The following MLLT3 variants were observed in gnomAD, a reference collection of about 807,000 sequenced individuals.
MLLT3 encodes MLLT3 super elongation complex subunit.
A neutral mutation model predicts 53.2 loss-of-function variants in MLLT3; 4 were observed. The ratio of observed to expected loss-of-function variants is 0.08; its 90% CI spans 0.04 to 0.17. MLLT3 has a LOEUF of 0.17. Ranked by LOEUF, MLLT3 falls within the 10% of genes least tolerant of loss-of-function variation. The pLI, the probability that MLLT3 is intolerant of heterozygous loss-of-function variation, is 1.00. For synonymous variants in MLLT3, 283 were observed against 230.6 expected (o/e 1.23, Z -2.06); for missense variants, 569 against 684.0 (o/e 0.83, Z 1.87).
rs537719429 is a variant in MLLT3, at chr9:20,474,478, T to C, written c.194-17692A>G. Among the ~76,000 whole-genome samples, 24 of 152,200 alleles carry C rather than the reference T, an allele frequency of 1.6e-4. 2 individuals carry two copies. In the South Asian group the frequency reaches 5.0e-3, roughly 32 times the overall value. On this transcript the variant is annotated intron_variant, in intron 2 of 10. Transcript: ENST00000380338. ...TAATATAAATGGACCTACCCTATCTTGTCATTCTGTTCCTATACACGAGTC... is the reference window on the plus strand; with the variant it reads ...TAATATAAATGGACCTACCCTATCTCGTCATTCTGTTCCTATACACGAGTC...
chr9:20,487,719 G>T (rs539877280), intron 2 of MLLT3, among the ~76,000 whole-genome samples: 1 of 152,236 alleles, frequency 6.6e-6, no homozygotes, highest in South Asian at 2.1e-4. Context: ...TGTGGTATGT[G>T]AGACATATTT....
chr9:20,548,295 C>A (rs765671523), intron 2 of MLLT3, among the ~76,000 whole-genome samples: 15 of 152,334 alleles, frequency 9.8e-5, no homozygotes, highest in South Asian at 4.1e-4. Flanking sequence ...CATCAGTTGG[C>A]TCTATCTTCT....
chr9:20,467,160 C>G (rs1050938266), intron 2 of MLLT3, among the ~76,000 whole-genome samples: 26 of 149,144 alleles, frequency 1.7e-4, no homozygotes, highest in Admixed American at 4.6e-4. Flanking sequence ...TTTTTTTTTT[C>G]AATTGAGACA....
intron 2 of MLLT3, among the ~76,000 whole-genome samples, chr9:20,619,023 A>G (rs559063119): frequency 6.6e-6 from 1 of 152,198 alleles, no homozygotes; most frequent in South Asian, 2.1e-4. Flanking sequence ...GATCTTAGAA[A>G]GTGGTTTCTT....
chr9:20,585,096 G>A (rs1819916666), intron 2 of MLLT3, among the ~76,000 whole-genome samples: 1 of 152,050 alleles, frequency 6.6e-6, no homozygotes, highest in Admixed American at 6.5e-5. Context: ...CCATAAACTT[G>A]GTGGCTTAGT....
At position 20,346,392 on chromosome 9, in the gene MLLT3, A is replaced by AC; in HGVS notation, c.*50_*51insG. On this transcript the variant is annotated 3_prime_UTR_variant, in exon 11 of 11. Transcript: ENST00000380338. ...AAAAATCACAACCAAAAAAAAAAAA[A>AC]ACCAAAAAAAAAAAACACAATAGTT... The AC allele has an allele frequency of 6.8e-7, 1 of 1,468,168 alleles. No individual in the cohort carries two copies. Among genetic ancestry groups the AC allele is most frequent in the South Asian group, 1.5e-5 (1 of 68,472 alleles). The allele number at this position is 1,468,168 out of a possible 1,614,324, so 90.9% of individuals were successfully genotyped here.
At chr9:20,505,534 T>C (rs1479489803) in intron 2 of MLLT3, among the ~76,000 whole-genome samples, 21 of 152,054 alleles carry the variant, frequency 1.4e-4, no homozygotes. Flanking sequence ...ACAGCAAAAA[T>C]AACAAGTGGG....
Position 20,622,366 on chromosome 9 carries a change from A to G in MLLT3, c.-110T>C, listed in dbSNP as rs1821045583. The stretch of plus-strand genomic sequence containing the variant: ...TGCTATGAATGAGAGCGCGCCCAGG[A>G]GCGGAGGGTAGATGGCGGACATTCT... On this transcript the variant is annotated 5_prime_UTR_variant, in exon 1 of 11. Coordinates refer to ENST00000380338, the MANE Select transcript of MLLT3 (RefSeq NM_004529.4). 1 of 1,014,824 alleles carries G rather than the reference A, an allele frequency of 9.9e-7. No individual in the cohort carries two copies. Among genetic ancestry groups the G allele is most frequent in the Non-Finnish European group, 1.4e-6 (1 of 712,692 alleles). The allele number at this position is 1,014,824 out of a possible 1,614,324, so 62.9% of individuals were successfully genotyped here.
intron 3 of MLLT3, among the ~76,000 whole-genome samples, chr9:20,455,090 T>C (rs951174336): frequency 5.9e-5 from 9 of 152,134 alleles, no homozygotes; most frequent in African/African-American, 1.4e-4. Flanking sequence ...TTAAGGGAAA[T>C]TGAACTTGAA....
intron 4 of MLLT3, among the ~76,000 whole-genome samples, chr9:20,446,880 G>A (rs559307549): frequency 1.4e-4 from 21 of 152,150 alleles, no homozygotes; most frequent in South Asian, 4.1e-4. Flanking sequence ...TTCTCCCATA[G>A]AATACTCTAA....
At chr9:20,603,759 G>A (rs756728) in intron 2 of MLLT3, among the ~76,000 whole-genome samples, 45,063 of 151,750 alleles carry the variant, frequency 0.3, 7,230 homozygotes, top group South Asian at 0.4. Context: ...TCTACTCCTC[G>A]TTTTACATGC....
chr9:20,486,265 G>A (rs1824809165), intron 2 of MLLT3, among the ~76,000 whole-genome samples: 1 of 151,902 alleles, frequency 6.6e-6, no homozygotes, highest in Admixed American at 6.6e-5. Context: ...CTGCTTTCTG[G>A]AATAACTATT....
At chr9:20,609,576 A>G (rs1055876579) in intron 2 of MLLT3, among the ~76,000 whole-genome samples, 1 of 152,096 alleles carries the variant, frequency 6.6e-6, no homozygotes. Flanking sequence ...GAAAAACCCA[A>G]CGATCTAATG....
intron 2 of MLLT3, among the ~76,000 whole-genome samples, chr9:20,490,713 T>C (rs1370166044): frequency 3.3e-5 from 5 of 152,248 alleles, no homozygotes; most frequent in South Asian, 4.1e-4. Context: ...TAATTTGCTA[T>C]AGCAGCAACA....
At chr9:20,504,214 C>G (rs535312993) in intron 2 of MLLT3, among the ~76,000 whole-genome samples, 2 of 151,996 alleles carry the variant, frequency 1.3e-5, no homozygotes, top group South Asian at 4.2e-4. Flanking sequence ...GAAACAAAAC[C>G]AGTATTTCAA....
intron 2 of MLLT3, among the ~76,000 whole-genome samples, chr9:20,545,720 A>G (rs1818768857): frequency 3.3e-5 from 5 of 152,130 alleles, no homozygotes; most frequent in Admixed American, 3.3e-4. Context: ...AAACATTCAT[A>G]TTCAATTATG....
rs188332498 is a variant in MLLT3 at position 20,565,520 on chromosome 9, T to A, written c.193+55134A>T. ...TGTCCTCCCCACTCTCATAATCTAA[T>A]ACACACTGCTAGGTAATTCAACTTA... On this transcript the variant is annotated intron_variant, in intron 2 of 10. Transcript: ENST00000380338. 7.9e-5 allele frequency among the ~76,000 whole-genome samples: 12 copies of A among 152,144 alleles called. 1 individual carries two copies. Among genetic ancestry groups the A allele is most frequent in the Admixed American group, 6.5e-4 (10 of 15,268 alleles).
rs186808183 is a variant in MLLT3, at chr9:20,585,598, A to G, written c.193+35056T>C. Reference sequence around the variant, plus strand: ...TCCCAGCACTTGATTCTAAATCTTCACCATTCTAATGGTATGTAGTGGTAT... The same window carrying G: ...TCCCAGCACTTGATTCTAAATCTTCGCCATTCTAATGGTATGTAGTGGTAT... On this transcript the variant is annotated intron_variant, in intron 2 of 10. Coordinates refer to ENST00000380338, the MANE Select transcript of MLLT3 (RefSeq NM_004529.4). 1.9e-3 allele frequency among the ~76,000 whole-genome samples: 284 copies of G among 152,248 alleles called. 2 individuals are homozygous for G. The highest frequency in any genetic ancestry group is 6.7e-3 in the African/African-American group (279 of 41,542).
chr9:20,573,561 AG>A (rs992943693), intron 2 of MLLT3, among the ~76,000 whole-genome samples: 80 of 152,348 alleles, frequency 5.3e-4, no homozygotes, highest in African/African-American at 1.9e-3. Context: ...GAAAAGTTAA[AG>A]AAAATGCAAA....
Sources: gnomAD v4.1 joint callset for allele counts (sites outside exome capture counted in the v4.1 genomes callset) on GRCh38, gnomAD v4.1.1 for gene constraint, MANE v1.5 for transcripts, NCBI Gene and HGNC (gene_info 2026-07-23, HGNC 2026-07-21) for gene names.